Variants in PRKCZ observed in about 807,000 individuals in gnomAD.
PRKCZ encodes the protein protein kinase C zeta, also known as protein kinase C zeta type.
In PRKCZ, 33 loss-of-function variants were observed where a neutral mutation model predicts 79.5. The observed-to-expected ratio is 0.41, with a 90% CI of 0.31 to 0.55. The LOEUF (loss-of-function observed/expected upper bound fraction) is 0.55, where lower values mean the gene tolerates loss of function less well. PRKCZ is among the 20% of genes least tolerant of loss of function. The pLI is 0.19. For missense variants in PRKCZ, 578 were observed against 813.5 expected, an observed-to-expected ratio of 0.71 and a Z score of 3.52; for synonymous variants, 342 against 320.9, an observed-to-expected ratio of 1.07 and a Z score of -0.70.
chr1:2,051,214 G>A (rs950670967), intron 1 of PRKCZ, among the ~76,000 whole-genome samples: 3 of 152,158 alleles, frequency 2.0e-5, no homozygotes, highest in South Asian at 4.1e-4. Context: ...GGTTTCTGGA[G>A]GAGACGGTGG....
At chr1:2,164,065 C>T (rs766078277) in intron 10 of PRKCZ, among the ~76,000 whole-genome samples, 5 of 152,144 alleles carry the variant, frequency 3.3e-5, no homozygotes, top group Admixed American at 6.5e-5. Flanking sequence ...TGGGGAAAAC[C>T]GTGCCCTGTC....
At chr1:2,108,553 C>T (rs997012718) in intron 4 of PRKCZ, among the ~76,000 whole-genome samples, 1 of 152,244 alleles carries the variant, frequency 6.6e-6, no homozygotes, top group South Asian at 2.1e-4. Flanking sequence ...CGGCCATGTG[C>T]GTGACAGTGG....
intron 4 of PRKCZ, among the ~76,000 whole-genome samples, chr1:2,080,337 C>CGTGGCGGTGCGCGTGGAT (rs1553136459): frequency 1.1e-4 from 16 of 152,180 alleles, no homozygotes; most frequent in African/African-American, 3.9e-4. Context: ...TGCGCGTGGA[C>CGTGGCGGTGCGCGTGGAT]GTGGCGGTGC....
intron 10 of PRKCZ, among the ~76,000 whole-genome samples, chr1:2,161,086 C>G (rs552876128): frequency 1.3e-5 from 2 of 152,292 alleles, no homozygotes; most frequent in African/African-American, 4.8e-5. Context: ...CAAAACCCAT[C>G]CGTGTGCTGG....
At position 2,127,502 on chromosome 1, in the gene PRKCZ, C is replaced by T. The variant is rs1415128141; in HGVS notation, c.335-7760C>T. Among the ~76,000 whole-genome samples the T allele has an allele frequency of 2.0e-5, 3 of 152,144 alleles. No individual in the cohort carries two copies. The highest frequency in any genetic ancestry group is 2.4e-5 in the African/African-American group (1 of 41,424). On this transcript the variant is annotated intron_variant, in intron 4 of 17. Coordinates refer to ENST00000378567, the MANE Select transcript of PRKCZ (RefSeq NM_002744.6). This position sits in a 1 kb window ranked among gnomAD's most constrained non-coding sequence, Gnocchi z 5.1. The stretch of plus-strand genomic sequence containing the variant: ...GCTGGGCCCGTCCCGCCCCACGTCC[C>T]GCCTCCCACTGCCCTCAGCCTCTGG...
intron 7 of PRKCZ, among the ~76,000 whole-genome samples, chr1:2,146,625 A>G (rs982485488): frequency 6.6e-6 from 1 of 152,194 alleles, no homozygotes; most frequent in East Asian, 1.9e-4. Context: ...GAGATCTCAA[A>G]CACCAGTTGG....
chr1:2,137,514 CTGGTAGCTGCGGGCAGCCTT>C (rs1263860345), intron 5 of PRKCZ, among the ~76,000 whole-genome samples: 1 of 152,256 alleles, frequency 6.6e-6, no homozygotes, highest in Non-Finnish European at 1.5e-5. Flanking sequence ...CCCGCAGCCA[CTGGTAGCTGCGGGCAGCCTT>C]GTTCCTGTGC....
At chr1:2,136,340 G>A (rs1676197985) in intron 5 of PRKCZ, among the ~76,000 whole-genome samples, 1 of 152,208 alleles carries the variant, frequency 6.6e-6, no homozygotes, top group South Asian at 2.1e-4. Context: ...GAGGATGCAG[G>A]ACAAGCTCCT....
intron 10 of PRKCZ, among the ~76,000 whole-genome samples, chr1:2,158,788 TC>T (rs1455925760): frequency 6.6e-6 from 1 of 152,212 alleles, no homozygotes; most frequent in Non-Finnish European, 1.5e-5. Context: ...AGTCACAAGT[TC>T]CCAGATGCGT....
chr1:2,098,110 C>CAGGTGACCAAGAGTGACTA, intron 4 of PRKCZ, among the ~76,000 whole-genome samples: 1 of 151,806 alleles, frequency 6.6e-6, no homozygotes, highest in Middle Eastern at 3.4e-3. Context: ...AAGGTCAGAG[C>CAGGTGACCAAGAGTGACTA]AGGTGACCAG....
chr1:2,164,654 C>T (rs927148270), intron 10 of PRKCZ, among the ~76,000 whole-genome samples: 5 of 152,230 alleles, frequency 3.3e-5, no homozygotes, highest in African/African-American at 4.8e-5. Context: ...CACACTCTGG[C>T]GTCTGATCTC....
chr1:2,065,548 A>G (rs956506645), intron 4 of PRKCZ, among the ~76,000 whole-genome samples: 4 of 152,112 alleles, frequency 2.6e-5, no homozygotes, highest in Non-Finnish European at 5.9e-5. Flanking sequence ...GCGTGGTTGC[A>G]GGCGCCTGTA....
chr1:2,149,474 C>T lies in PRKCZ; in HGVS notation c.687+550C>T, dbSNP rs1679394224. ...AGGGAAGGACTGCACTAGCGAAGCC[C>T]ACTCCTTTCCAGAGCACCAACAAGT... On this transcript the variant is annotated intron_variant, in intron 8 of 17. Coordinates refer to ENST00000378567, the MANE Select transcript of PRKCZ (RefSeq NM_002744.6). The surrounding 1 kb of genome is among the most constrained non-coding windows in gnomAD (Gnocchi z 4.1). Among the ~76,000 whole-genome samples, 1 of 152,178 alleles carries T rather than the reference C, an allele frequency of 6.6e-6. No homozygotes were observed. The highest frequency in any genetic ancestry group is 2.4e-5 in the African/African-American group (1 of 41,442).
At chr1:2,158,545 C>G (rs768255879) in intron 10 of PRKCZ, among the ~76,000 whole-genome samples, 1 of 152,268 alleles carries the variant, frequency 6.6e-6, no homozygotes, top group African/African-American at 2.4e-5. Context: ...CCTCTTTCCG[C>G]CCTGACTGCC....
chr1:2,156,116 G>A (rs1433740477), intron 10 of PRKCZ, 24 bp downstream of exon 10: 1 of 1,583,728 alleles, frequency 6.3e-7, no homozygotes. Context: ...GGGTATTTCT[G>A]ATATTCTGCA....
At chr1:2,079,666 C>G (rs374073694) in intron 4 of PRKCZ, among the ~76,000 whole-genome samples, 8 of 152,356 alleles carry the variant, frequency 5.3e-5, no homozygotes, top group African/African-American at 1.9e-4. Flanking sequence ...GATGGCGGCA[C>G]ATGGTGGGAG....
At chr1:2,134,102 G>T (rs1343569201) in intron 4 of PRKCZ, 1 of 152,028 alleles carries the variant, frequency 6.6e-6, no homozygotes, top group Non-Finnish European at 1.5e-5. Flanking sequence ...GTGTCACCAG[G>T]CCTCTGTCAA....
intron 4 of PRKCZ, among the ~76,000 whole-genome samples, chr1:2,089,147 T>C (rs1484642631): frequency 6.6e-6 from 1 of 152,220 alleles, no homozygotes; most frequent in Admixed American, 6.5e-5. Context: ...AGTGTTTTCC[T>C]TAGCCGGGGT....
chr1:2,127,518 C>T lies in PRKCZ; in HGVS notation c.335-7744C>T, dbSNP rs751938785. ...CCCACGTCCCGCCTCCCACTGCCCT[C>T]AGCCTCTGGAACGGTGCCTGCATGG... On this transcript the variant is annotated intron_variant, in intron 4 of 17. Transcript: ENST00000378567. This position sits in a 1 kb window ranked among gnomAD's most constrained non-coding sequence, Gnocchi z 5.1. Among the ~76,000 whole-genome samples, 2 of 152,162 alleles carry T rather than the reference C, an allele frequency of 1.3e-5. No homozygotes were observed. Among genetic ancestry groups the T allele is most frequent in the African/African-American group, 4.8e-5 (2 of 41,448 alleles).
Sources: gnomAD v4.1 joint callset for allele counts (sites outside exome capture counted in the v4.1 genomes callset) on GRCh38, gnomAD v4.1.1 for gene constraint, Gnocchi (gnomAD v3.1) non-coding constraint, MANE v1.5 for transcripts, NCBI Gene and HGNC (gene_info 2026-07-23, HGNC 2026-07-21) for gene names.